Variants in CACNA1C observed in about 807,000 individuals in gnomAD.
The protein encoded by CACNA1C is calcium voltage-gated channel subunit alpha1 C.
A neutral mutation model predicts 229.0 loss-of-function variants in CACNA1C; 30 were observed. The ratio of observed to expected loss-of-function variants is 0.13; its 90% CI spans 0.10 to 0.18. The LOEUF is 0.18. CACNA1C is among the 10% of genes least tolerant of loss of function. CACNA1C has a pLI of 1.00. For synonymous variants in CACNA1C, 1,114 were observed against 1,132.5 expected (o/e 0.98, Z 0.33); for missense variants, 1,658 against 2,845.0 (o/e 0.58, Z 9.49).
At chr12:2,349,140 C>CACT (rs1175573427) in intron 3 of CACNA1C, among the ~76,000 whole-genome samples, 1 of 152,194 alleles carries the variant, frequency 6.6e-6, no homozygotes, top group African/African-American at 2.4e-5. Flanking sequence ...TGGCATTCAG[C>CACT]ACTACACCAA....
intron 13 of CACNA1C, among the ~76,000 whole-genome samples, chr12:2,571,067 G>A (rs2054133450): frequency 6.6e-6 from 1 of 152,220 alleles, no homozygotes; most frequent in African/African-American, 2.4e-5. Flanking sequence ...ACGAATGTTA[G>A]CTTGAGTGAT....
intron 7 of CACNA1C, among the ~76,000 whole-genome samples, chr12:2,496,490 G>A (rs2099747078): frequency 6.6e-6 from 1 of 152,204 alleles, no homozygotes; most frequent in Non-Finnish European, 1.5e-5. Flanking sequence ...TTGGTCAGCC[G>A]CTGGTTATGG....
intron 27 of CACNA1C, among the ~76,000 whole-genome samples, chr12:2,609,032 T>A (rs934326710): frequency 1.3e-5 from 2 of 152,094 alleles, no homozygotes; most frequent in Non-Finnish European, 1.5e-5. Context: ...CCCAAGTGGG[T>A]CGGCACCATG....
At position 2,420,515 on chromosome 12, in the gene CACNA1C, G is replaced by A. The variant is rs554685968; in HGVS notation, c.478-28461G>A. On this transcript the variant is annotated intron_variant, in intron 3 of 46. Transcript: ENST00000399655. ...GTCATCTCAGTCCTGAAGCAGGTATGTGTGTTGGGCCAAGGTGGAAGGAGA... is the reference window on the plus strand; with the variant it reads ...GTCATCTCAGTCCTGAAGCAGGTATATGTGTTGGGCCAAGGTGGAAGGAGA... Among the ~76,000 whole-genome samples the A allele has an allele frequency of 2.0e-5, 3 of 152,348 alleles. No homozygotes were observed. In the East Asian group the frequency reaches 5.8e-4, roughly 29 times the overall value.
At chr12:2,531,541 T>C (rs1342027349) in intron 9 of CACNA1C, among the ~76,000 whole-genome samples, 1 of 152,218 alleles carries the variant, frequency 6.6e-6, no homozygotes. Context: ...TCTTGGAGTT[T>C]CACATTCCAG....
At position 2,665,055 on chromosome 12, in the gene CACNA1C, G is replaced by C; in HGVS notation, c.4398+65G>C. 6.5e-7 allele frequency: 1 copy of C among 1,546,450 alleles called. No homozygotes were observed. ...GCCCAGTTCCAGGGCAGTCTGAACCGTCCATCTCTGCAGCTCATGGTCAGG... is the reference window on the plus strand; with the variant it reads ...GCCCAGTTCCAGGGCAGTCTGAACCCTCCATCTCTGCAGCTCATGGTCAGG... On this transcript the variant is annotated intron_variant, in intron 35 of 46. Coordinates refer to ENST00000399655, the MANE Select transcript of CACNA1C (RefSeq NM_000719.7). This position sits in a 1 kb window ranked among gnomAD's most constrained non-coding sequence, Gnocchi z 5.9.
At chr12:2,157,230 A>G (rs1223382450) in intron 3 of CACNA1C, among the ~76,000 whole-genome samples, 1 of 152,228 alleles carries the variant, frequency 6.6e-6, no homozygotes, top group Non-Finnish European at 1.5e-5. Flanking sequence ...TCCACAATGT[A>G]AACATGCTTC....
At chr12:2,037,354 C>G (rs775764187) in intron 1 of CACNA1C, among the ~76,000 whole-genome samples, 11 of 152,164 alleles carry the variant, frequency 7.2e-5, no homozygotes, top group Admixed American at 2.6e-4. Context: ...TTTCTCTTGC[C>G]TTTATTACTG....
intron 5 of CACNA1C, 133 bp from the exon 6 acceptor site, chr12:2,485,971 G>C (rs1234841266): frequency 1.5e-6 from 1 of 657,784 alleles, no homozygotes; most frequent in African/African-American, 1.9e-5. Context: ...GTGTGGCTCT[G>C]AGCCTCAGTC....
chr12:2,101,848 T>G (rs2076532277), intron 1 of CACNA1C, among the ~76,000 whole-genome samples: 1 of 151,306 alleles, frequency 6.6e-6, no homozygotes, highest in Non-Finnish European at 1.5e-5. Context: ...TTCTGCTGCC[T>G]GGGAAAGCTG....
Position 2,648,547 on chromosome 12 carries a change from T to TC in CACNA1C, c.3945+45dup, listed in dbSNP as rs2094574699. The TC allele has an allele frequency of 2.5e-6, 4 of 1,600,884 alleles. No individual in the cohort carries two copies. In the East Asian group the frequency reaches 6.7e-5, roughly 27 times the overall value. ...CCCGACCATGCTCCCGGCTTCCGTG[T>TC]CCCCCTCTAACACCCCCACTCTCCC... On this transcript the variant is annotated intron_variant, in intron 31 of 46. Coordinates refer to ENST00000399655, the MANE Select transcript of CACNA1C (RefSeq NM_000719.7).
chr12:2,610,652 C>A lies in CACNA1C; in HGVS notation c.3670C>A (p.Leu1224Met). The stretch of plus-strand genomic sequence containing the variant: ...GGTCAACTCCACCTACTTCGAGTAC[C>A]TGATGTTCGTCCTCATCCTGCTCAA... ...YVVNSTYFEY[L>M]MFVLILLNTI... Residue 1224 changes from leucine (L) to methionine (M), a missense_variant, in exon 28 of 47, where the codon CTG (leucine) becomes ATG (methionine). This residue lies in a region of CACNA1C where 67 missense variants were observed against 106.4 expected (regional missense o/e 0.63). Transcript: ENST00000399655. The A allele has an allele frequency of 6.2e-7, 1 of 1,614,232 alleles. No homozygotes were observed.
At chr12:2,464,155 C>A (rs977956555) in intron 5 of CACNA1C, among the ~76,000 whole-genome samples, 2 of 151,952 alleles carry the variant, frequency 1.3e-5, no homozygotes, top group Non-Finnish European at 2.9e-5. Flanking sequence ...CTCAGAGCAA[C>A]CTAGACTTGA....
At chr12:2,140,813 G>A (rs979762955) in intron 3 of CACNA1C, among the ~76,000 whole-genome samples, 1 of 151,402 alleles carries the variant, frequency 6.6e-6, no homozygotes, top group Non-Finnish European at 1.5e-5. Context: ...TGCCCTCACA[G>A]AGCTTGTCAG....
chr12:2,286,882 T>C (rs1302469623), intron 3 of CACNA1C, among the ~76,000 whole-genome samples: 1 of 152,172 alleles, frequency 6.6e-6, no homozygotes, highest in Admixed American at 6.5e-5. Context: ...AGGACTGAAA[T>C]TGGTAGTGGC....
intron 3 of CACNA1C, among the ~76,000 whole-genome samples, chr12:2,145,894 C>T: frequency 6.6e-6 from 1 of 151,240 alleles, no homozygotes; most frequent in East Asian, 1.9e-4. Context: ...GAACCTGGCT[C>T]TCTGCCCTTG....
In CACNA1C at chr12:2,234,263, A is replaced by G. The variant is rs1266462091; in HGVS notation, c.477+113833A>G. On this transcript the variant is annotated intron_variant, in intron 3 of 46. Transcript: ENST00000399655. ...CTGTTTCTATTGGTTCCTTTCTGGC[A>G]TGTGTTAAATTATGTCTTTTGTGTT... Among the ~76,000 whole-genome samples, 5 of 152,152 alleles carry G rather than the reference A, an allele frequency of 3.3e-5. 1 individual carries two copies. Among genetic ancestry groups the G allele is most frequent in the African/African-American group, 1.2e-4 (5 of 41,430 alleles).
chr12:2,688,156 C>T (rs2097613070), intron 45 of CACNA1C, among the ~76,000 whole-genome samples: 1 of 152,220 alleles, frequency 6.6e-6, no homozygotes, highest in Non-Finnish European at 1.5e-5. Context: ...GACAGGTGAC[C>T]AGGCCAGGGC....
chr12:2,688,346 C>G (rs1232780603), intron 45 of CACNA1C, 101 bp from the exon 46 acceptor site: 1 of 1,090,310 alleles, frequency 9.2e-7, no homozygotes, highest in Non-Finnish European at 1.4e-6. Context: ...GTGGAGCTAG[C>G]TGGACACAGC....
Sources: gnomAD v4.1 joint callset for allele counts (sites outside exome capture counted in the v4.1 genomes callset) on GRCh38, gnomAD v4.1.1 for gene constraint, gnomAD v4.1.1 regional missense constraint, Gnocchi (gnomAD v3.1) non-coding constraint, MANE v1.5 for transcripts, NCBI Gene and HGNC (gene_info 2026-07-23, HGNC 2026-07-21) for gene names.